Variants in PRLR observed in about 807,000 individuals in gnomAD.
PRLR encodes prolactin receptor, also known as hPRL receptor.
In PRLR, 13 loss-of-function variants were observed where a neutral mutation model predicts 40.2. The ratio of observed to expected loss-of-function variants is 0.32; its 90% CI spans 0.21 to 0.51. PRLR has a LOEUF of 0.51. Among genes scored for constraint, PRLR ranks in the 20% least tolerant of loss-of-function variants. PRLR has a pLI of 0.97. For missense variants in PRLR, 656 were observed against 747.3 expected (o/e 0.88, Z 1.42); for synonymous variants, 269 against 278.7 (o/e 0.97, Z 0.35).
Position 35,060,380 on chromosome 5 carries a change from T to A in PRLR, c.*4709A>T, listed in dbSNP as rs1313426358. Reference sequence around the variant, plus strand: ...AATCAATCTGAGTTGGAGGAACAGATCTCTGTTTTTCTCTGAAGCGTTGTC... The same window carrying A: ...AATCAATCTGAGTTGGAGGAACAGAACTCTGTTTTTCTCTGAAGCGTTGTC... On this transcript the variant is annotated 3_prime_UTR_variant, in exon 10 of 10. Coordinates refer to ENST00000618457, the MANE Select transcript of PRLR (RefSeq NM_000949.7). 2 of 152,118 alleles carry A rather than the reference T, an allele frequency of 1.3e-5. No homozygotes were observed. The highest frequency in any genetic ancestry group is 2.4e-5 in the African/African-American group (1 of 41,422). 9.4% of individuals were successfully genotyped at this position (152,118 alleles called of 1,614,324 possible). A position where few individuals can be genotyped will look rare whatever the true frequency, so the allele number is the denominator to read the frequency against.
chr5:35,114,343 C>A (rs1355401175), intron 2 of PRLR, among the ~76,000 whole-genome samples: 1 of 152,206 alleles, frequency 6.6e-6, no homozygotes, highest in Admixed American at 6.5e-5. Flanking sequence ...ATGTGCCCTG[C>A]TTTCCTCAGT....
intron 1 of PRLR, among the ~76,000 whole-genome samples, chr5:35,171,464 T>C (rs1367716257): frequency 6.6e-6 from 1 of 152,202 alleles, no homozygotes; most frequent in Admixed American, 6.5e-5. Flanking sequence ...CAGTAACTCC[T>C]GTGTGAGCAT....
intron 1 of PRLR, among the ~76,000 whole-genome samples, chr5:35,169,465 A>G (rs1176909652): frequency 6.6e-6 from 1 of 152,220 alleles, no homozygotes; most frequent in African/African-American, 2.4e-5. Flanking sequence ...AACAGCAGGC[A>G]TTCTAATGAT....
intron 5 of PRLR, among the ~76,000 whole-genome samples, chr5:35,082,363 T>C (rs1190186893): frequency 6.6e-6 from 1 of 152,114 alleles, no homozygotes; most frequent in Non-Finnish European, 1.5e-5. Context: ...AAAACGCAAA[T>C]AAAATGTTGA....
intron 2 of PRLR, among the ~76,000 whole-genome samples, chr5:35,103,610 A>C (rs76262899): frequency 0.015 from 2,307 of 152,356 alleles, 22 homozygotes; most frequent in Non-Finnish European, 0.02. Flanking sequence ...TCAAAATGTT[A>C]GTCAATTTCT....
At chr5:35,080,959 C>T (rs1033916769) in intron 5 of PRLR, among the ~76,000 whole-genome samples, 1 of 145,188 alleles carries the variant, frequency 6.9e-6, no homozygotes, top group African/African-American at 2.6e-5. Flanking sequence ...CCAAACACCG[C>T]ATGTTCTCAC....
intron 2 of PRLR, among the ~76,000 whole-genome samples, chr5:35,104,654 G>T (rs958979297): frequency 1.5e-4 from 23 of 152,286 alleles, no homozygotes; most frequent in African/African-American, 5.5e-4. Flanking sequence ...GAACTGCAAG[G>T]TGGCAGCAAG....
At chr5:35,154,174 A>ATC (rs1774421504) in intron 1 of PRLR, among the ~76,000 whole-genome samples, 1 of 152,166 alleles carries the variant, frequency 6.6e-6, no homozygotes, top group Admixed American at 6.5e-5. Flanking sequence ...AAACTCATAG[A>ATC]ATTATAGAAC....
intron 1 of PRLR, among the ~76,000 whole-genome samples, chr5:35,132,098 C>T (rs1377473320): frequency 6.6e-6 from 1 of 152,052 alleles, no homozygotes; most frequent in Non-Finnish European, 1.5e-5. Context: ...AGCATGTATC[C>T]CCAGAAAAGT....
chr5:35,225,689 T>C (rs1261507153), intron 1 of PRLR, among the ~76,000 whole-genome samples: 2 of 152,258 alleles, frequency 1.3e-5, no homozygotes, highest in African/African-American at 2.4e-5. Context: ...CTTTTGTTTT[T>C]GTTTTTGTTT....
chr5:35,060,180 A>AT lies in PRLR; in HGVS notation c.*4908dup, dbSNP rs1217179200. The AT allele has an allele frequency of 2.0e-5, 3 of 152,198 alleles. No homozygotes were observed. The East Asian group carries it at 5.8e-4, about 29-fold the overall frequency. 9.4% of individuals were successfully genotyped at this position (152,198 alleles called of 1,614,324 possible). ...TTGGCCTTGGATATCTGTGTGACTGATTTAACCTTTGACTCAGTCTTTTGC... is the reference window on the plus strand; with the variant it reads ...TTGGCCTTGGATATCTGTGTGACTGATTTTAACCTTTGACTCAGTCTTTTGC... On this transcript the variant is annotated 3_prime_UTR_variant, in exon 10 of 10. Coordinates refer to ENST00000618457, the MANE Select transcript of PRLR (RefSeq NM_000949.7).
downstream of PRLR, among the ~76,000 whole-genome samples, chr5:35,052,945 G>T (rs749548973): frequency 2.1e-4 from 32 of 152,146 alleles, no homozygotes; most frequent in Non-Finnish European, 2.9e-4. Context: ...CATTCTGAAG[G>T]CTCCCATGTC....
chr5:35,084,780 C>T, intron 4 of PRLR, 141 bp from the exon 5 acceptor site: 1 of 731,898 alleles, frequency 1.4e-6, no homozygotes, highest in Non-Finnish European at 2.1e-6. Context: ...GTTCCTTAGG[C>T]TTCCATGTTC....
intron 1 of PRLR, among the ~76,000 whole-genome samples, chr5:35,161,679 C>T (rs1182167720): frequency 6.6e-6 from 1 of 152,186 alleles, no homozygotes; most frequent in African/African-American, 2.4e-5. Context: ...CGGTGAGGTT[C>T]CTTGCTTCAT....
At chr5:35,206,707 T>C (rs1355915047) in intron 1 of PRLR, among the ~76,000 whole-genome samples, 2 of 151,904 alleles carry the variant, frequency 1.3e-5, no homozygotes, top group African/African-American at 2.4e-5. Context: ...TAACCACTTG[T>C]AGAAATAAAA....
chr5:35,185,799 T>C lies in PRLR; in HGVS notation c.-106+44469A>G, dbSNP rs965333463. Among the ~76,000 whole-genome samples the C allele has an allele frequency of 2.6e-5, 4 of 152,164 alleles. No homozygotes were observed. The East Asian group carries it at 7.7e-4, about 29-fold the overall frequency. ...GTGTCTTTGTCTGAGACCAGCCCAT[T>C]GATTGCTTGTGGGGAGGGAGTCCGT... On this transcript the variant is annotated intron_variant, in intron 1 of 9. Transcript: ENST00000618457.
At chr5:35,100,177 C>CT (rs1771786266) in intron 2 of PRLR, among the ~76,000 whole-genome samples, 1 of 129,782 alleles carries the variant, frequency 7.7e-6, no homozygotes, top group Admixed American at 8.3e-5. Flanking sequence ...GGGCGAGACT[C>CT]TGTCTCAAAA....
At chr5:35,180,587 C>G (rs4392599) in intron 1 of PRLR, among the ~76,000 whole-genome samples, 2 of 151,818 alleles carry the variant, frequency 1.3e-5, no homozygotes, top group Admixed American at 6.6e-5. Context: ...TCTTTTCCCC[C>G]CTTTTTTTTT....
At chr5:35,098,636 G>A (rs976866958) in intron 2 of PRLR, among the ~76,000 whole-genome samples, 1 of 152,142 alleles carries the variant, frequency 6.6e-6, no homozygotes, top group Admixed American at 6.5e-5. Context: ...TGCCATAAAA[G>A]TCACTACTGT....
Sources: allele counts gnomAD v4.1 joint callset (sites outside exome capture counted in the v4.1 genomes callset), GRCh38; gene constraint gnomAD v4.1.1; transcripts MANE v1.5; gene names NCBI Gene and HGNC (gene_info 2026-07-23, HGNC 2026-07-21).